The following ADCY2 variants were observed in gnomAD, a reference collection of about 807,000 sequenced individuals.
ADCY2 encodes the protein adenylate cyclase type 2.
A neutral mutation model predicts 125.2 loss-of-function variants in ADCY2; 31 were observed. That is an observed-to-expected ratio of 0.25 (90% confidence interval 0.19 to 0.33). The LOEUF (loss-of-function observed/expected upper bound fraction) is 0.33. Ranked by LOEUF, ADCY2 falls within the 10% of genes least tolerant of loss-of-function variation. ADCY2 has a pLI of 1.00. For missense variants in ADCY2, 904 were observed against 1,418.2 expected, an observed-to-expected ratio of 0.64 and a Z score of 5.82; for synonymous variants, 512 against 548.4, an observed-to-expected ratio of 0.93 and a Z score of 0.93.
chr5:7,567,552 A>C (rs940596762), intron 3 of ADCY2, among the ~76,000 whole-genome samples: 36 of 152,262 alleles, frequency 2.4e-4, no homozygotes, highest in African/African-American at 8.4e-4. Context: ...TGTGTGAAGT[A>C]TAAATTTTTT....
At chr5:7,806,680 C>G (rs1050217937) in intron 22 of ADCY2, among the ~76,000 whole-genome samples, 1 of 152,116 alleles carries the variant, frequency 6.6e-6, no homozygotes, top group African/African-American at 2.4e-5. Flanking sequence ...TCCGTTGGAT[C>G]GGAGCTCCAC....
intron 17 of ADCY2, among the ~76,000 whole-genome samples, chr5:7,771,554 G>T (rs1743558763): frequency 6.6e-6 from 1 of 152,094 alleles, no homozygotes; most frequent in South Asian, 2.1e-4. Flanking sequence ...CTTACTGATG[G>T]ATTTCTACTC....
chr5:7,543,787 G>A (rs1000137803), intron 3 of ADCY2, among the ~76,000 whole-genome samples: 4 of 151,966 alleles, frequency 2.6e-5, no homozygotes, highest in Non-Finnish European at 5.9e-5. Flanking sequence ...GCCGAGGTGG[G>A]CGGATCACAA....
At chr5:7,747,000 T>G (rs907019244) in intron 15 of ADCY2, among the ~76,000 whole-genome samples, 6 of 152,106 alleles carry the variant, frequency 3.9e-5, no homozygotes, top group Non-Finnish European at 7.4e-5. Context: ...AATTGCAGAT[T>G]TTTTCCTGTT....
intron 12 of ADCY2, 49 bp downstream of exon 12, chr5:7,717,286 A>T (rs1741619412): frequency 7.3e-7 from 1 of 1,374,774 alleles, no homozygotes; most frequent in Non-Finnish European, 1.0e-6. Flanking sequence ...ATTATGTTCC[A>T]GTTGTATTTT....
At chr5:7,470,670 A>G (rs116285216) in intron 2 of ADCY2, among the ~76,000 whole-genome samples, 1,739 of 150,622 alleles carry the variant, frequency 0.012, 48 homozygotes, top group African/African-American at 0.041. Flanking sequence ...ACAAATATAT[A>G]CATTTTAATG....
Position 7,396,494 on chromosome 5 carries a change from C to T in ADCY2, c.198C>T (p.Phe66=), listed in dbSNP as rs751786773. Reference sequence around the variant, plus strand: ...GCCTCGCCCTGCTCGCCGTCTTCTTCGCGCTCGGGCTGGTGAGTGGCCTCC... The same window carrying T: ...GCCTCGCCCTGCTCGCCGTCTTCTTTGCGCTCGGGCTGGTGAGTGGCCTCC... ...GSCLALLAVF[F]ALGLEVEDHV... Residue 66 remains phenylalanine (F), a synonymous_variant, in exon 1 of 25, where the codon TTC becomes TTT. Coordinates refer to ENST00000338316, the MANE Select transcript of ADCY2 (RefSeq NM_020546.3). The surrounding 1 kb of genome is among the most constrained non-coding windows in gnomAD (Gnocchi z 5.7). The T allele has an allele frequency of 3.2e-5, 50 of 1,564,224 alleles. 1 individual carries two copies. The South Asian group carries it at 5.5e-4, about 17-fold the overall frequency.
intron 3 of ADCY2, among the ~76,000 whole-genome samples, chr5:7,576,092 A>G (rs1289034495): frequency 6.6e-6 from 1 of 152,168 alleles, no homozygotes; most frequent in East Asian, 1.9e-4. Flanking sequence ...TCTACCAGAA[A>G]TCTGTGTGTT....
intron 2 of ADCY2, among the ~76,000 whole-genome samples, chr5:7,446,968 ACC>A (rs1741285398): frequency 6.6e-6 from 1 of 152,098 alleles, no homozygotes; most frequent in Admixed American, 6.6e-5. Flanking sequence ...GTATCCACAG[ACC>A]CTGCCCTCTC....
chr5:7,557,209 T>G (rs1477328632), intron 3 of ADCY2, among the ~76,000 whole-genome samples: 2 of 84,592 alleles, frequency 2.4e-5, no homozygotes, highest in Non-Finnish European at 7.0e-5. Flanking sequence ...ATAACTCAAG[T>G]GAGTGTATCT....
At chr5:7,818,905 G>GATAGATGTATATATAATAGC (rs571616806) in intron 23 of ADCY2, among the ~76,000 whole-genome samples, 150 of 152,276 alleles carry the variant, frequency 9.9e-4, no homozygotes, top group African/African-American at 3.4e-3. Context: ...GAAATAATAG[G>GATAGATGTATATATAATAGC]ATAGATGTAT....
At chr5:7,811,240 C>T (rs542056128) in intron 22 of ADCY2, among the ~76,000 whole-genome samples, 35 of 152,266 alleles carry the variant, frequency 2.3e-4, no homozygotes, top group Middle Eastern at 3.4e-3. Flanking sequence ...CAGTGGCTCA[C>T]GCCTGTAATC....
chr5:7,611,945 A>G (rs1737582756), intron 3 of ADCY2, among the ~76,000 whole-genome samples: 1 of 152,208 alleles, frequency 6.6e-6, no homozygotes, highest in South Asian at 2.1e-4. Flanking sequence ...TTTTTCTTGT[A>G]CTATCCAGTG....
intron 15 of ADCY2, among the ~76,000 whole-genome samples, chr5:7,753,562 A>C (rs1019657510): frequency 2.0e-5 from 3 of 152,220 alleles, no homozygotes; most frequent in African/African-American, 7.2e-5. Flanking sequence ...AATTTTGATA[A>C]ACATTTTTCC....
At chr5:7,784,552 T>C in intron 19 of ADCY2, 103 bp downstream of exon 19, 2 of 807,462 alleles carry the variant, frequency 2.5e-6, no homozygotes, top group Non-Finnish European at 3.9e-6. Context: ...AACAAACGTC[T>C]AAGAATTAGA....
At chr5:7,564,704 C>T (rs1445589695) in intron 3 of ADCY2, among the ~76,000 whole-genome samples, 2 of 152,276 alleles carry the variant, frequency 1.3e-5, no homozygotes, top group Non-Finnish European at 2.9e-5. Flanking sequence ...GCCACCCTGC[C>T]TGCTAAGGGC....
intron 1 of ADCY2, among the ~76,000 whole-genome samples, chr5:7,413,580 G>A (rs545677386): frequency 4.8e-4 from 73 of 151,346 alleles, no homozygotes; most frequent in Admixed American, 1.8e-3. Context: ...TTACAGGCGT[G>A]AGCCACCGCA....
intron 3 of ADCY2, among the ~76,000 whole-genome samples, chr5:7,564,145 G>A (rs1735814421): frequency 6.6e-6 from 1 of 152,136 alleles, no homozygotes; most frequent in Non-Finnish European, 1.5e-5. Flanking sequence ...GAACATGGTA[G>A]CTTTAGTTAC....
At chr5:7,598,414 T>C (rs912403922) in intron 3 of ADCY2, among the ~76,000 whole-genome samples, 4 of 152,206 alleles carry the variant, frequency 2.6e-5, no homozygotes, top group Non-Finnish European at 5.9e-5. Flanking sequence ...CTTGACCTTG[T>C]AGTTCTTAAA....
Sources: allele counts gnomAD v4.1 joint callset (sites outside exome capture counted in the v4.1 genomes callset), GRCh38; gene constraint gnomAD v4.1.1; non-coding constraint Gnocchi (gnomAD v3.1); transcripts MANE v1.5; gene names NCBI Gene and HGNC (gene_info 2026-07-23, HGNC 2026-07-21).